The following FRMD5 variants were observed in gnomAD, a reference collection of about 807,000 sequenced individuals.
The protein encoded by FRMD5 is FERM domain-containing protein 5.
Under a neutral mutation model 69.0 loss-of-function variants are expected in FRMD5, and 20 were observed. The ratio of observed to expected loss-of-function variants is 0.29; its 90% CI spans 0.20 to 0.42. FRMD5 has a LOEUF of 0.42. Among genes scored for constraint, FRMD5 ranks in the 10% least tolerant of loss-of-function variants. FRMD5 has a pLI of 1.00. For missense variants in FRMD5, 595 were observed against 708.6 expected (o/e 0.84, Z 1.82); for synonymous variants, 271 against 260.1 (o/e 1.04, Z -0.40).
chr15:43,891,024 C>T (rs1567213254), intron 8 of FRMD5, among the ~76,000 whole-genome samples: 1 of 152,154 alleles, frequency 6.6e-6, no homozygotes, highest in Non-Finnish European at 1.5e-5. Flanking sequence ...AAACAGACTT[C>T]CCCCCACTGA....
intron 1 of FRMD5, among the ~76,000 whole-genome samples, chr15:43,971,656 C>T (rs2090381144): frequency 6.6e-6 from 1 of 150,696 alleles, no homozygotes; most frequent in Non-Finnish European, 1.5e-5. Context: ...AGTTTCTATG[C>T]AATAGGGTTG....
chr15:44,196,474 A>T (rs975300980), upstream of FRMD5, among the ~76,000 whole-genome samples: 5 of 152,108 alleles, frequency 3.3e-5, no homozygotes, highest in Non-Finnish European at 5.9e-5. Context: ...TCAAAAAAAA[A>T]AAATAATCGT....
intron 1 of FRMD5, chr15:44,064,162 G>T: frequency 4.6e-6 from 1 of 217,274 alleles, no homozygotes; most frequent in Admixed American, 5.7e-5. Flanking sequence ...CAAGGCTGTG[G>T]GTAAGGTCAT....
intron 1 of FRMD5, among the ~76,000 whole-genome samples, chr15:44,169,250 C>T (rs2077760074): frequency 6.6e-6 from 1 of 152,084 alleles, no homozygotes; most frequent in Non-Finnish European, 1.5e-5. Context: ...TGTAATTCTT[C>T]AGGGTATGCT....
intron 1 of FRMD5, among the ~76,000 whole-genome samples, chr15:43,926,030 C>T (rs2140454174): frequency 6.6e-6 from 1 of 152,276 alleles, no homozygotes; most frequent in South Asian, 2.1e-4. Context: ...AGAATCCTTC[C>T]CCCAGAACTT....
intron 1 of FRMD5, among the ~76,000 whole-genome samples, chr15:44,087,759 ATCATC>A (rs754756197): frequency 1.1e-3 from 172 of 150,934 alleles, no homozygotes; most frequent in Non-Finnish European, 2.2e-3. Flanking sequence ...CATCATCATC[ATCATC>A]ATCATCATCA....
chr15:44,178,273 G>A (rs564511095), intron 1 of FRMD5, among the ~76,000 whole-genome samples: 3 of 151,970 alleles, frequency 2.0e-5, no homozygotes, highest in East Asian at 1.9e-4. Context: ...TGCAGCGAGC[G>A]GAGATCACAC....
At chr15:43,905,283 C>T (rs2089144207) in intron 6 of FRMD5, among the ~76,000 whole-genome samples, 1 of 151,954 alleles carries the variant, frequency 6.6e-6, no homozygotes, top group African/African-American at 2.4e-5. Flanking sequence ...ATTACAGGCA[C>T]CTGCCATCAT....
At chr15:44,087,423 C>T (rs1315480606) in intron 1 of FRMD5, among the ~76,000 whole-genome samples, 1 of 152,146 alleles carries the variant, frequency 6.6e-6, no homozygotes. Flanking sequence ...GCAATGAATT[C>T]AGAGGAGAAA....
At chr15:43,954,532 C>T (rs2090084856) in intron 1 of FRMD5, among the ~76,000 whole-genome samples, 1 of 152,212 alleles carries the variant, frequency 6.6e-6, no homozygotes, top group African/African-American at 2.4e-5. Context: ...AGATGACTCT[C>T]ACCCAACACC....
At chr15:44,139,678 C>T (rs995497771) in intron 1 of FRMD5, among the ~76,000 whole-genome samples, 10 of 136,462 alleles carry the variant, frequency 7.3e-5, no homozygotes, top group African/African-American at 2.7e-4. Flanking sequence ...ATCACTTAAG[C>T]CCAGGACTTG....
At chr15:44,075,629 G>A (rs563074272) in intron 1 of FRMD5, among the ~76,000 whole-genome samples, 20 of 152,194 alleles carry the variant, frequency 1.3e-4, no homozygotes, top group Non-Finnish European at 2.1e-4. Flanking sequence ...AAACAGGTAT[G>A]TATGTAGCCA....
chr15:43,951,933 AT>A (rs2090035837), intron 1 of FRMD5, among the ~76,000 whole-genome samples: 1 of 150,350 alleles, frequency 6.7e-6, no homozygotes, highest in African/African-American at 2.5e-5. Flanking sequence ...AAGGGGACAC[AT>A]TTTTTTGGGC....
At chr15:44,024,092 A>G (rs997465258) in intron 1 of FRMD5, among the ~76,000 whole-genome samples, 3 of 152,182 alleles carry the variant, frequency 2.0e-5, no homozygotes, top group African/African-American at 7.2e-5. Flanking sequence ...GTTAAGTGTT[A>G]CAATGTACAG....
intron 1 of FRMD5, among the ~76,000 whole-genome samples, chr15:44,075,844 TA>T (rs1210876781): frequency 2.0e-5 from 3 of 152,170 alleles, no homozygotes; most frequent in Non-Finnish European, 4.4e-5. Context: ...TGAAAAGCTC[TA>T]TGATTGCCAT....
chr15:44,173,807 T>C (rs1303872042), intron 1 of FRMD5, among the ~76,000 whole-genome samples: 1 of 152,172 alleles, frequency 6.6e-6, no homozygotes, highest in East Asian at 1.9e-4. Flanking sequence ...AGCTGCCGCA[T>C]ATGGCTGAAA....
chr15:43,909,436 T>C (rs2089244042), intron 5 of FRMD5, among the ~76,000 whole-genome samples: 1 of 151,180 alleles, frequency 6.6e-6, no homozygotes, highest in South Asian at 2.1e-4. Context: ...AAAAACTCTC[T>C]AACTTGAACT....
At chr15:43,910,572 CA>C (rs1167867396) in intron 4 of FRMD5, among the ~76,000 whole-genome samples, 768 of 40,340 alleles carry the variant, frequency 0.019, 13 homozygotes, top group Admixed American at 0.11. Context: ...GACCTTGTCT[CA>C]AAAAAAAAAA....
chr15:44,148,733 G>A (rs926372256), intron 1 of FRMD5, among the ~76,000 whole-genome samples: 1 of 152,028 alleles, frequency 6.6e-6, no homozygotes, highest in Admixed American at 6.6e-5. Context: ...TAATGCTATC[G>A]CACTTAGTAA....
Sources: allele counts gnomAD v4.1 joint callset (sites outside exome capture counted in the v4.1 genomes callset), GRCh38; gene constraint gnomAD v4.1.1; transcripts MANE v1.5; gene names NCBI Gene and HGNC (gene_info 2026-07-23, HGNC 2026-07-21).